Variants in RERE observed in about 807,000 individuals in gnomAD.
RERE encodes arginine-glutamic acid dipeptide repeats protein.
A neutral mutation model predicts 146.1 loss-of-function variants in RERE; 40 were observed. The observed-to-expected ratio is 0.27, with a 90% CI of 0.21 to 0.36. RERE has a LOEUF of 0.36. Among genes scored for constraint, RERE ranks in the 10% least tolerant of loss-of-function variants. The pLI is 1.00. For missense variants in RERE, 1,933 were observed against 2,138.7 expected, an observed-to-expected ratio of 0.90 and a Z score of 1.90; for synonymous variants, 1,003 against 866.0, an observed-to-expected ratio of 1.16 and a Z score of -2.78.
chr1:8,427,714 G>A (rs1284833066), intron 11 of RERE, among the ~76,000 whole-genome samples: 1 of 150,054 alleles, frequency 6.7e-6, no homozygotes, highest in Non-Finnish European at 1.5e-5. Context: ...AAAGCCACAA[G>A]GCCTCAAAAC....
chr1:8,651,240 C>G (rs2124318845), intron 2 of RERE, among the ~76,000 whole-genome samples: 1 of 151,776 alleles, frequency 6.6e-6, no homozygotes, highest in Admixed American at 6.6e-5. Flanking sequence ...ATAGCAAGAC[C>G]CCATCTCTAC....
intron 12 of RERE, among the ~76,000 whole-genome samples, chr1:8,377,262 C>T (rs1336979793): frequency 6.6e-6 from 1 of 152,208 alleles, no homozygotes; most frequent in Admixed American, 6.5e-5. Flanking sequence ...GGAACCCACA[C>T]ACACAAGGGC....
chr1:8,385,861 C>T (rs1275514908), intron 12 of RERE, among the ~76,000 whole-genome samples: 2 of 146,550 alleles, frequency 1.4e-5, no homozygotes, highest in African/African-American at 5.0e-5. Context: ...CCCAGCCACT[C>T]GGGAGACTGA....
In RERE at chr1:8,422,769, G is replaced by A; in HGVS notation, c.1242C>T (p.Asn414=). The A allele has an allele frequency of 6.2e-7, 1 of 1,613,996 alleles. No individual in the cohort carries two copies. The highest frequency in any genetic ancestry group is 8.5e-7 in the Non-Finnish European group (1 of 1,179,892). The change falls in exon 12 of 23, where the codon AAC becomes AAT. Residue 414 remains asparagine, a synonymous_variant. Coordinates refer to ENST00000400908, the MANE Select transcript of RERE (RefSeq NM_001042681.2). The part of the protein sequence containing the change: ...FVKGLRQYGK[N]FFRIRKELLP... ...GCAGCTCCTTTCTAATTCTGAAGAA[G>A]TTCTTCCCGTACTGCCTGAGTCCCT...
At chr1:8,513,776 G>A (rs1261992289) in intron 7 of RERE, among the ~76,000 whole-genome samples, 1 of 152,064 alleles carries the variant, frequency 6.6e-6, no homozygotes, top group African/African-American at 2.4e-5. Flanking sequence ...GCGAAACTCT[G>A]TCTCAAAAAC....
At chr1:8,654,777 G>C (rs1203429134) in intron 2 of RERE, among the ~76,000 whole-genome samples, 1 of 151,926 alleles carries the variant, frequency 6.6e-6, no homozygotes, top group Non-Finnish European at 1.5e-5. Flanking sequence ...GGGACTACAG[G>C]TGTGTGCCAC....
chr1:8,597,089 GA>G, intron 4 of RERE, among the ~76,000 whole-genome samples: 1 of 108,544 alleles, frequency 9.2e-6, no homozygotes, highest in South Asian at 2.8e-4. Context: ...TACTGATGCT[GA>G]TTTTTTTTTT....
chr1:8,624,978 A>C (rs6577506), intron 2 of RERE, among the ~76,000 whole-genome samples: 128,965 of 152,196 alleles, frequency 0.85, 54,939 homozygotes, highest in East Asian at 0.94. Context: ...GTAAACAAAA[A>C]CAATGCCACT....
rs980954106 is a variant in RERE at position 8,817,460 on chromosome 1, G to A, written c.-445C>T. The stretch of plus-strand genomic sequence containing the variant: ...GAGGGGGCTCCCTGAGGATGATGGT[G>A]ATTTTTTTTTTTTTTTAATCCTCAA... On this transcript the variant is annotated 5_prime_UTR_variant, in exon 1 of 23. Coordinates refer to ENST00000400908, the MANE Select transcript of RERE (RefSeq NM_001042681.2). 7.4e-5 allele frequency: 4 copies of A among 54,078 alleles called. No homozygotes were observed. The highest frequency in any genetic ancestry group is 1.4e-4 in the Non-Finnish European group (4 of 28,860). 3.3% of individuals were successfully genotyped at this position (54,078 alleles called of 1,614,324 possible).
intron 1 of RERE, among the ~76,000 whole-genome samples, chr1:8,762,451 CTTAA>C (rs1287849315): frequency 1.3e-5 from 2 of 152,184 alleles, no homozygotes; most frequent in Admixed American, 1.3e-4. Flanking sequence ...TGCCCATTTA[CTTAA>C]TTTTTTTAAA....
At chr1:8,577,402 T>C (rs1646309509) in intron 4 of RERE, among the ~76,000 whole-genome samples, 1 of 152,118 alleles carries the variant, frequency 6.6e-6, no homozygotes, top group Non-Finnish European at 1.5e-5. Context: ...ACCAACAGAA[T>C]TGGAACCTGC....
intron 11 of RERE, among the ~76,000 whole-genome samples, chr1:8,431,140 G>T (rs1557628910): frequency 6.6e-6 from 1 of 152,082 alleles, no homozygotes; most frequent in Non-Finnish European, 1.5e-5. Context: ...AGTCCCCAGG[G>T]TACAAACCAC....
intron 11 of RERE, among the ~76,000 whole-genome samples, chr1:8,440,361 G>A (rs1231950298): frequency 6.6e-6 from 1 of 152,104 alleles, no homozygotes; most frequent in Non-Finnish European, 1.5e-5. Context: ...GGGAGGCCGA[G>A]GCAGGCGGAC....
intron 10 of RERE, among the ~76,000 whole-genome samples, chr1:8,474,793 A>G (rs1254701300): frequency 1.3e-5 from 2 of 152,232 alleles, no homozygotes; most frequent in Non-Finnish European, 2.9e-5. Context: ...ATGCCAAAGC[A>G]TACTTTTCAA....
intron 1 of RERE, among the ~76,000 whole-genome samples, chr1:8,757,347 AAC>A (rs1354719891): frequency 6.6e-6 from 1 of 152,216 alleles, no homozygotes; most frequent in Non-Finnish European, 1.5e-5. Flanking sequence ...TTCTAAAGTT[AAC>A]ACAAAAGAAA....
At chr1:8,591,174 G>C (rs1353130383) in intron 4 of RERE, among the ~76,000 whole-genome samples, 1 of 152,096 alleles carries the variant, frequency 6.6e-6, no homozygotes, top group Non-Finnish European at 1.5e-5. Context: ...AGCCTCCACG[G>C]GGCAACAAGA....
intron 12 of RERE, among the ~76,000 whole-genome samples, chr1:8,369,203 T>A (rs1641931525): frequency 6.6e-6 from 1 of 151,460 alleles, no homozygotes. Flanking sequence ...GCCATCTCTT[T>A]AAAAAAAATA....
At chr1:8,656,530 G>T in intron 1 of RERE, 89 bp from the exon 2 acceptor site, 1 of 547,082 alleles carries the variant, frequency 1.8e-6, no homozygotes. Context: ...ACTTATTCAT[G>T]CTTTACACCT....
intron 1 of RERE, among the ~76,000 whole-genome samples, chr1:8,799,868 G>A (rs1641553691): frequency 6.6e-6 from 1 of 151,578 alleles, no homozygotes; most frequent in African/African-American, 2.4e-5. Flanking sequence ...CTGGAGTGCA[G>A]TGGCGCAATT....
Sources: allele counts gnomAD v4.1 joint callset (sites outside exome capture counted in the v4.1 genomes callset), GRCh38; gene constraint gnomAD v4.1.1; transcripts MANE v1.5; gene names NCBI Gene and HGNC (gene_info 2026-07-23, HGNC 2026-07-21).